The following TRAPPC10 variants were observed in gnomAD, a reference collection of about 807,000 sequenced individuals.
TRAPPC10 encodes the protein trafficking protein particle complex subunit 10, also known as TRAPP 130 kDa subunit.
In TRAPPC10, 23 loss-of-function variants were observed where a neutral mutation model predicts 125.5. The ratio of observed to expected loss-of-function variants is 0.18; its 90% CI spans 0.13 to 0.26. The LOEUF is 0.26. Ranked by LOEUF, TRAPPC10 falls within the 10% of genes least tolerant of loss-of-function variation. The probability of loss-of-function intolerance (pLI) is 1.00; values close to 1 mark genes in which losing one functional copy is unlikely to be tolerated. For synonymous variants in TRAPPC10, 509 were observed against 518.0 expected, an observed-to-expected ratio of 0.98 and a Z score of 0.24; for missense variants, 1,123 against 1,308.4, an observed-to-expected ratio of 0.86 and a Z score of 2.19.
chr21:44,067,314 G>A (rs1192275007), intron 7 of TRAPPC10, among the ~76,000 whole-genome samples: 2 of 152,200 alleles, frequency 1.3e-5, no homozygotes, highest in Admixed American at 6.5e-5. Context: ...TGCAGGCCTG[G>A]CAGAGGACAA....
chr21:44,049,473 T>A (rs1441705208), intron 3 of TRAPPC10, among the ~76,000 whole-genome samples: 1 of 152,148 alleles, frequency 6.6e-6, no homozygotes, highest in East Asian at 1.9e-4. Context: ...ACAGACTTCC[T>A]CCTCACCTCA....
chr21:44,090,199 C>G (rs988076672), intron 18 of TRAPPC10, among the ~76,000 whole-genome samples: 3 of 152,034 alleles, frequency 2.0e-5, no homozygotes, highest in Admixed American at 2.0e-4. Flanking sequence ...ACCACTAGAT[C>G]TCTGTTCATC....
intron 15 of TRAPPC10, 56 bp from the exon 16 acceptor site, chr21:44,086,746 T>C (rs2146150624): frequency 6.3e-7 from 1 of 1,584,382 alleles, no homozygotes; most frequent in Non-Finnish European, 8.7e-7. Context: ...TTGCGGGCCC[T>C]GAGATGCTGT....
At position 44,079,648 on chromosome 21, in the gene TRAPPC10, C is replaced by G. The variant is rs1186416854; in HGVS notation, c.1554C>G (p.Ile518Met). ...NYLAEGWALP[I>M]THTRKQLAEC... ...TGGCTGAGGGCTGGGCACTCCCCATCACACACACAAGGAAGCAGCTGGCCG... is the reference window on the plus strand; with the variant it reads ...TGGCTGAGGGCTGGGCACTCCCCATGACACACACAAGGAAGCAGCTGGCCG... Residue 518 changes from isoleucine (I) to methionine (M), a missense_variant, in exon 12 of 23, where the codon ATC (isoleucine) becomes ATG (methionine). Physicochemically the swap from Ile to Met is conservative, Grantham distance 10. This residue lies in a region of TRAPPC10 where 840 missense variants were observed against 902.0 expected (regional missense o/e 0.93). Coordinates refer to ENST00000291574, the MANE Select transcript of TRAPPC10 (RefSeq NM_003274.5). 6 of 1,611,242 alleles carry G rather than the reference C, an allele frequency of 3.7e-6. No individual in the cohort carries two copies. Among genetic ancestry groups the G allele is most frequent in the Non-Finnish European group, 5.1e-6 (6 of 1,179,356 alleles).
chr21:44,030,431 A>G (rs1007345426), intron 1 of TRAPPC10, among the ~76,000 whole-genome samples: 3 of 152,112 alleles, frequency 2.0e-5, no homozygotes, highest in African/African-American at 7.2e-5. Context: ...GGCTAACTAA[A>G]GATTTTCTTC....
intron 1 of TRAPPC10, among the ~76,000 whole-genome samples, chr21:44,029,284 C>T (rs904000709): frequency 6.6e-6 from 1 of 152,112 alleles, no homozygotes; most frequent in Admixed American, 6.6e-5. Flanking sequence ...TTAGTAGAGA[C>T]GGGGTTTCAC....
intron 19 of TRAPPC10, 118 bp from the exon 20 acceptor site, chr21:44,093,945 G>T: frequency 9.4e-7 from 1 of 1,067,930 alleles, no homozygotes. Context: ...CTGTGAGGCG[G>T]GGCCTGCCCA....
chr21:44,084,185 G>C lies in TRAPPC10; in HGVS notation c.2302G>C (p.Val768Leu), dbSNP rs748907606. 7.4e-6 allele frequency: 12 copies of C among 1,613,902 alleles called. No individual in the cohort carries two copies. The highest frequency in any genetic ancestry group is 3.3e-5 in the Admixed American group (2 of 59,992). The change falls in exon 15 of 23, where the codon GTC becomes CTC. Residue 768 changes from valine (V) to leucine (L), a missense_variant. This residue lies in a region of TRAPPC10 where 840 missense variants were observed against 902.0 expected (regional missense o/e 0.93). Coordinates refer to ENST00000291574, the MANE Select transcript of TRAPPC10 (RefSeq NM_003274.5). ...CGCCTCGGTGGGCTCCGTGTGGTTC[G>C]TCCTCCCTCACATCTACCCCATTGT... ...LCASVGSVWF[V>L]LPHIYPIVQY...
chr21:44,058,379 G>A (rs1457532464), intron 5 of TRAPPC10, among the ~76,000 whole-genome samples: 1 of 150,406 alleles, frequency 6.6e-6, no homozygotes, highest in South Asian at 2.1e-4. Context: ...GCTGAGTGAG[G>A]CCAGAGGGCT....
At position 44,079,564 on chromosome 21, in the gene TRAPPC10, G is replaced by GTTT; in HGVS notation, c.1470_1471insTTT (p.Met490_Arg491insPhe). The GTTT allele has an allele frequency of 6.3e-7, 1 of 1,589,320 alleles. No individual in the cohort carries two copies. Among genetic ancestry groups the GTTT allele is most frequent in the Non-Finnish European group, 8.5e-7 (1 of 1,174,194 alleles). ...AGCTACTGTTTGTTGACTTTGCAAG[G>GTTT]AGGAAAAAGGCTCCACAAAAGGCAG... On this transcript the variant is annotated inframe_insertion and splice_region_variant, in exon 12 of 23. Transcript: ENST00000291574.
intron 3 of TRAPPC10, among the ~76,000 whole-genome samples, chr21:44,047,565 T>TGTGTGTGTGTGTGTGTGC (rs954810521): frequency 8.6e-4 from 126 of 147,186 alleles, no homozygotes; most frequent in South Asian, 2.6e-3. Context: ...TGTGTGTGTG[T>TGTGTGTGTGTGTGTGTGC]GCGCGCACAC....
chr21:44,018,970 C>G (rs2032189524), intron 1 of TRAPPC10, among the ~76,000 whole-genome samples: 1 of 152,156 alleles, frequency 6.6e-6, no homozygotes, highest in Non-Finnish European at 1.5e-5. Context: ...ACACTGATCT[C>G]CAAGTACTGA....
At chr21:44,035,743 C>T (rs1277639879) in intron 2 of TRAPPC10, among the ~76,000 whole-genome samples, 3 of 152,148 alleles carry the variant, frequency 2.0e-5, no homozygotes, top group African/African-American at 7.2e-5. Flanking sequence ...CACCATTACA[C>T]TCCAGCCTGG....
chr21:44,094,136 A>C lies in TRAPPC10; in HGVS notation c.3071A>C (p.His1024Pro). The C allele has an allele frequency of 6.2e-7, 1 of 1,614,144 alleles. No individual in the cohort carries two copies. The highest frequency in any genetic ancestry group is 2.2e-5 in the East Asian group (1 of 44,886). The change falls in exon 20 of 23, where the codon CAT becomes CCT. Residue 1024 changes from histidine (H) to proline (P), a missense_variant. By Grantham distance (77) the His-to-Pro change is moderately conservative. Around this residue, in one of 4 missense-constraint regions of TRAPPC10, gnomAD observed 840 missense variants for 902.0 expected, o/e 0.93. Transcript: ENST00000291574. ...ACAGAAGAGCCTCCCCCTTCTCTGC[A>C]TTGCCGGTTCTCTGTTGGATTTTCC... is the stretch of plus-strand genomic sequence containing the variant. ...KWTEEPPPSL[H>P]CRFSVGFSPA...
intron 1 of TRAPPC10, among the ~76,000 whole-genome samples, chr21:44,025,038 A>G (rs2032916390): frequency 6.6e-6 from 1 of 152,152 alleles, no homozygotes; most frequent in South Asian, 2.1e-4. Context: ...TCCGTGGTTT[A>G]TTCTGCCAGT....
intron 11 of TRAPPC10, among the ~76,000 whole-genome samples, chr21:44,078,624 A>G (rs2146062537): frequency 6.6e-6 from 1 of 152,252 alleles, no homozygotes; most frequent in Non-Finnish European, 1.5e-5. Context: ...TTTGCCGATT[A>G]CCCACTGGTT....
intron 1 of TRAPPC10, among the ~76,000 whole-genome samples, chr21:44,030,207 CTG>C (rs1347292423): frequency 2.6e-5 from 4 of 151,926 alleles, no homozygotes; most frequent in Non-Finnish European, 5.9e-5. Flanking sequence ...TGTGAAGTAA[CTG>C]TATTGCAAAG....
chr21:44,051,036 T>C (rs1456988208), intron 3 of TRAPPC10, among the ~76,000 whole-genome samples: 3 of 152,208 alleles, frequency 2.0e-5, no homozygotes, highest in African/African-American at 7.2e-5. Flanking sequence ...CCTGAGTAGC[T>C]GGGACTACAG....
At chr21:44,084,957 G>T (rs1008575432) in intron 15 of TRAPPC10, among the ~76,000 whole-genome samples, 1 of 152,330 alleles carries the variant, frequency 6.6e-6, no homozygotes, top group Non-Finnish European at 1.5e-5. Flanking sequence ...CTCCCTGGGC[G>T]CCACCCTCCA....
Sources: gnomAD v4.1 joint callset for allele counts (sites outside exome capture counted in the v4.1 genomes callset) on GRCh38, gnomAD v4.1.1 for gene constraint, gnomAD v4.1.1 regional missense constraint, MANE v1.5 for transcripts, NCBI Gene and HGNC (gene_info 2026-07-23, HGNC 2026-07-21) for gene names.